The following CHODL variants were observed in gnomAD, a reference collection of about 807,000 sequenced individuals.
CHODL encodes transmembrane protein MT75.
A neutral mutation model predicts 34.5 loss-of-function variants in CHODL; 29 were observed. The ratio of observed to expected loss-of-function variants is 0.84; its 90% CI spans 0.63 to 1.15. The LOEUF (loss-of-function observed/expected upper bound fraction) is 1.15. Ranked by LOEUF, CHODL falls within the 50% of genes most tolerant of loss-of-function variation. CHODL has a pLI of 0.00. For synonymous variants in CHODL, 125 were observed against 116.1 expected, an observed-to-expected ratio of 1.08 and a Z score of -0.49; for missense variants, 332 against 332.5, an observed-to-expected ratio of 1.00 and a Z score of 0.01.
chr21:18,062,684 T>G (rs1416762100), intron 2 of CHODL, among the ~76,000 whole-genome samples: 1 of 152,094 alleles, frequency 6.6e-6, no homozygotes, highest in East Asian at 1.9e-4. Flanking sequence ...GAGAATTGCT[T>G]GAACCCAGGA....
intron 1 of CHODL, among the ~76,000 whole-genome samples, chr21:17,943,251 GA>G (rs1449559306): frequency 6.6e-6 from 1 of 152,142 alleles, no homozygotes; most frequent in African/African-American, 2.4e-5. Context: ...GGGCATAAAA[GA>G]ATAATTTAGG....
At chr21:18,175,411 G>C (rs1276831284) in intron 2 of CHODL, among the ~76,000 whole-genome samples, 2 of 152,126 alleles carry the variant, frequency 1.3e-5, no homozygotes, top group Admixed American at 1.3e-4. Context: ...GGCCAACATA[G>C]TGAAATCCCA....
chr21:18,219,390 C>T (rs1470576030), intron 2 of CHODL, among the ~76,000 whole-genome samples: 1 of 152,034 alleles, frequency 6.6e-6, no homozygotes, highest in Non-Finnish European at 1.5e-5. Context: ...GGTAATTGCC[C>T]CCATGATTTA....
In CHODL at chr21:18,256,607, G is replaced by C; in HGVS notation, c.178G>C (p.Ala60Pro). The C allele has an allele frequency of 6.2e-7, 1 of 1,614,006 alleles. No homozygotes were observed. The highest frequency in any genetic ancestry group is 8.5e-7 in the Non-Finnish European group (1 of 1,179,968). ...AGTGAGCTTTCAGGAGGCACGCCTG[G>C]CTTGTGAGAGTGAGGGAGGAGTCCT... ...SRVSFQEARL[A>P]CESEGGVLLS... is the part of the protein sequence containing the mutation. The change falls in exon 2 of 6, where the codon GCT (alanine) becomes CCT (proline). Residue 60 changes from alanine to proline, a missense_variant. By Grantham distance (27) the Ala-to-Pro change is conservative. Transcript: ENST00000299295.
At chr21:18,108,776 G>A (rs184732004) in intron 2 of CHODL, among the ~76,000 whole-genome samples, 47 of 151,952 alleles carry the variant, frequency 3.1e-4, no homozygotes, top group African/African-American at 1.1e-3. Context: ...ACACAAAGAC[G>A]CCTTTATGAA....
At chr21:18,003,643 A>G (rs1411321218) in intron 1 of CHODL, among the ~76,000 whole-genome samples, 1 of 152,180 alleles carries the variant, frequency 6.6e-6, no homozygotes, top group East Asian at 1.9e-4. Context: ...TTAGTGGCTA[A>G]GAGAAACATT....
chr21:18,248,702 T>TA (rs1568955290), intron 1 of CHODL, among the ~76,000 whole-genome samples: 10 of 122,234 alleles, frequency 8.2e-5, no homozygotes, highest in African/African-American at 3.3e-4. Flanking sequence ...TACATATATA[T>TA]GTATATAATA....
intron 2 of CHODL, among the ~76,000 whole-genome samples, chr21:18,101,646 A>T (rs573751369): frequency 2.0e-5 from 3 of 152,152 alleles, no homozygotes; most frequent in Non-Finnish European, 4.4e-5. Flanking sequence ...CAATACTAGA[A>T]AAAAGAAAGG....
intron 2 of CHODL, among the ~76,000 whole-genome samples, chr21:18,150,033 T>C (rs1201893907): frequency 6.6e-6 from 1 of 152,150 alleles, no homozygotes; most frequent in African/African-American, 2.4e-5. Flanking sequence ...GAGATTTCAA[T>C]CAAATACATT....
chr21:18,265,170 T>C lies in CHODL; in HGVS notation c.738-784T>C, dbSNP rs1024181772. On this transcript the variant is annotated intron_variant, in intron 5 of 5. Coordinates refer to ENST00000299295, the MANE Select transcript of CHODL (RefSeq NM_024944.3). Reference sequence around the variant, plus strand: ...CAATGCGTGGATAAAGAATCTGTGGTATATATATGTATATATATATATACA... The same window carrying C: ...CAATGCGTGGATAAAGAATCTGTGGCATATATATGTATATATATATATACA... Among the ~76,000 whole-genome samples the C allele has an allele frequency of 2.7e-5, 4 of 149,284 alleles. 1 individual carries two copies. Among genetic ancestry groups the C allele is most frequent in the Admixed American group, 1.3e-4 (2 of 15,004 alleles).
chr21:18,088,115 A>G (rs1440934722), intron 2 of CHODL, among the ~76,000 whole-genome samples: 1 of 152,138 alleles, frequency 6.6e-6, no homozygotes, highest in Non-Finnish European at 1.5e-5. Context: ...CCCTCCTCCA[A>G]CAGTGATGAT....
chr21:18,007,152 G>A (rs1245570787), intron 1 of CHODL, among the ~76,000 whole-genome samples: 4 of 152,096 alleles, frequency 2.6e-5, no homozygotes, highest in African/African-American at 9.7e-5. Context: ...AAGAAAAAAA[G>A]AAAAAAACTA....
chr21:18,249,076 T>A lies in CHODL; in HGVS notation c.79+3774T>A, dbSNP rs549105614. The stretch of plus-strand genomic sequence containing the variant: ...ATTATATATAATTTACTATATATAA[T>A]ATATATATAATAAAATATATATATA... On this transcript the variant is annotated intron_variant, in intron 1 of 5. Coordinates refer to ENST00000299295, the MANE Select transcript of CHODL (RefSeq NM_024944.3). 2.0e-4 allele frequency among the ~76,000 whole-genome samples: 22 copies of A among 111,774 alleles called. No individual in the cohort carries two copies. In the East Asian group the frequency reaches 4.9e-3, roughly 25 times the overall value. 73.3% of individuals were successfully genotyped at this position (111,774 alleles called of 152,430 possible). A position where few individuals can be genotyped will look rare whatever the true frequency, so the allele number is the denominator to read the frequency against.
chr21:17,964,526 T>C (rs570815690), intron 1 of CHODL, among the ~76,000 whole-genome samples: 1 of 152,348 alleles, frequency 6.6e-6, no homozygotes, highest in Non-Finnish European at 1.5e-5. Flanking sequence ...TAAGTGGGTA[T>C]ATATATTTGT....
At chr21:18,021,501 A>G (rs1445924264) in intron 1 of CHODL, among the ~76,000 whole-genome samples, 5 of 152,314 alleles carry the variant, frequency 3.3e-5, no homozygotes, top group Non-Finnish European at 7.4e-5. Flanking sequence ...ACTGGAGTGA[A>G]GTAGACTAGT....
chr21:18,230,090 A>T (rs376073089), intron 2 of CHODL, among the ~76,000 whole-genome samples: 2 of 152,128 alleles, frequency 1.3e-5, no homozygotes, highest in East Asian at 3.9e-4. Context: ...GTAGTTGTGG[A>T]ACTCAGGGGA....
intron 2 of CHODL, among the ~76,000 whole-genome samples, chr21:18,164,021 T>C (rs778343222): frequency 5.9e-5 from 9 of 152,190 alleles, no homozygotes; most frequent in African/African-American, 9.6e-5. Context: ...CTTAAAAGAA[T>C]TTTAATTACC....
chr21:17,923,462 G>GGTT (rs1555836955), intron 1 of CHODL, among the ~76,000 whole-genome samples: 1 of 130,664 alleles, frequency 7.7e-6, no homozygotes, highest in African/African-American at 2.9e-5. Flanking sequence ...TAATTCTTCA[G>GGTT]TTTTTTTTTT....
intron 1 of CHODL, among the ~76,000 whole-genome samples, chr21:18,008,806 TC>T (rs1176398041): frequency 6.6e-6 from 1 of 152,214 alleles, no homozygotes; most frequent in Non-Finnish European, 1.5e-5. Flanking sequence ...TTTATGTTAC[TC>T]CGTTGGCATA....
Sources: allele counts gnomAD v4.1 joint callset (sites outside exome capture counted in the v4.1 genomes callset), GRCh38; gene constraint gnomAD v4.1.1; transcripts MANE v1.5; gene names NCBI Gene and HGNC (gene_info 2026-07-23, HGNC 2026-07-21).